TM7SF2: variants seen among roughly 807,000 people sequenced by gnomAD.
TM7SF2 encodes delta(14)-sterol reductase TM7SF2.
A neutral mutation model predicts 51.0 loss-of-function variants in TM7SF2; 51 were observed. The observed-to-expected ratio is 1.00, with a 90% CI of 0.80 to 1.26. The LOEUF is 1.26. TM7SF2 is among the 50% of genes most tolerant of loss of function. The probability of loss-of-function intolerance (pLI) is 0.00; values close to 1 mark genes in which losing one functional copy is unlikely to be tolerated. For synonymous variants in TM7SF2, 255 were observed against 241.0 expected, an observed-to-expected ratio of 1.06 and a Z score of -0.54; for missense variants, 541 against 547.4, an observed-to-expected ratio of 0.99 and a Z score of 0.12.
rs767202148 is a variant in TM7SF2 at position 65,115,326 on chromosome 11, A to G, written c.905A>G (p.Tyr302Cys). 15 of 1,613,990 alleles carry G rather than the reference A, an allele frequency of 9.3e-6. No individual in the cohort carries two copies. In the Admixed American group the frequency reaches 1.8e-4, roughly 20 times the overall value. Residue 302 changes from tyrosine (Y) to cysteine (C), a missense_variant, in exon 8 of 10, where the codon TAC becomes TGC. Physicochemically the swap from Tyr to Cys is radical, Grantham distance 194 (BLOSUM62 -2). Transcript: ENST00000279263. Reference sequence around the variant, plus strand: ...ACTCTCTCACCAGCTACTGGTTACTACATCTTCCGTGGGGCGAATTCCCAG... The same window carrying G: ...ACTCTCTCACCAGCTACTGGTTACTGCATCTTCCGTGGGGCGAATTCCCAG... ...VICLINATGY[Y>C]IFRGANSQKN... is the part of the protein sequence containing the mutation.
intron 5 of TM7SF2, 96 bp downstream of exon 5, chr11:65,113,690 C>T (rs1016758074): frequency 1.7e-5 from 17 of 1,023,422 alleles, no homozygotes; most frequent in Non-Finnish European, 2.0e-5. Context: ...TGTGCAGATG[C>T]GAGTCATTAA....
rs1425871680 is a variant in TM7SF2 at position 65,112,872 on chromosome 11, AG to A, written c.304+11del. 14 of 1,541,100 alleles carry A rather than the reference AG, an allele frequency of 9.1e-6. No individual in the cohort carries two copies. The African/African-American group carries it at 1.1e-4, about 12-fold the overall frequency. ...CTGCGCTATCCTATTAACGGTGCCT[AG>A]GGGACGGGCCCTCGCGCTGGAGTTA... is the stretch of plus-strand genomic sequence containing the variant. On this transcript the variant is annotated splice_region_variant and intron_variant, in intron 3 of 9. Transcript: ENST00000279263.
At chr11:65,115,162 A>G (rs1240565039) in intron 7 of TM7SF2, 81 bp downstream of exon 7, 3 of 1,588,102 alleles carry the variant, frequency 1.9e-6, no homozygotes, top group African/African-American at 1.3e-5. Context: ...GCACCACCAC[A>G]TAGGTGCTAA....
Position 65,114,967 on chromosome 11 carries a change from G to C in TM7SF2, c.778G>C (p.Ala260Pro). ...ACATGACGGGTTTGGCTTCATGCTG[G>C]CGTTTGGGGACATGGCCTGGGTGCC... The part of the protein sequence containing the change: ...ITHDGFGFML[A>P]FGDMAWVPFT... The change falls in exon 7 of 10, where the codon GCG (alanine) becomes CCG (proline). Residue 260 changes from alanine to proline, a missense_variant. Coordinates refer to ENST00000279263, the MANE Select transcript of TM7SF2 (RefSeq NM_003273.6). The C allele has an allele frequency of 6.2e-7, 1 of 1,614,248 alleles. No individual in the cohort carries two copies. Among genetic ancestry groups the C allele is most frequent in the Non-Finnish European group, 8.5e-7 (1 of 1,180,038 alleles).
At chr11:65,113,003 G>T in intron 3 of TM7SF2, 138 bp downstream of exon 3, 1 of 1,169,378 alleles carries the variant, frequency 8.6e-7, no homozygotes, top group Non-Finnish European at 1.2e-6. Flanking sequence ...CAGACGCCGG[G>T]GGCTCTCCCT....
At chr11:65,113,987 C>A (rs1201148663) in intron 5 of TM7SF2, among the ~76,000 whole-genome samples, 1 of 152,186 alleles carries the variant, frequency 6.6e-6, no homozygotes, top group African/African-American at 2.4e-5. Flanking sequence ...GGGTTAGCAA[C>A]CTACCCGTCA....
chr11:65,116,149 C>T lies in TM7SF2; in HGVS notation c.*96C>T, dbSNP rs759453546. 4.1e-6 allele frequency: 6 copies of T among 1,449,352 alleles called. No individual in the cohort carries two copies. The highest frequency in any genetic ancestry group is 5.6e-6 in the Non-Finnish European group (6 of 1,077,330). The allele number at this position is 1,449,352 out of a possible 1,614,324, so 89.8% of individuals were successfully genotyped here. A position where few individuals can be genotyped will look rare whatever the true frequency, so the allele number is the denominator to read the frequency against. On this transcript the variant is annotated 3_prime_UTR_variant, in exon 10 of 10. Coordinates refer to ENST00000279263, the MANE Select transcript of TM7SF2 (RefSeq NM_003273.6). ...GACACACTTGGGACTCAAGGGCTTG[C>T]ACCCCACCCAGCCCTGAGGATGAAC...
chr11:65,116,213 T>C lies in TM7SF2; in HGVS notation c.*160T>C, dbSNP rs1332883234. The C allele has an allele frequency of 1.6e-6, 2 of 1,213,964 alleles. No individual in the cohort carries two copies. Among genetic ancestry groups the C allele is most frequent in the Admixed American group, 2.8e-5 (1 of 35,338 alleles). The allele number at this position is 1,213,964 out of a possible 1,614,324, so 75.2% of individuals were successfully genotyped here. On this transcript the variant is annotated 3_prime_UTR_variant, in exon 10 of 10. Coordinates refer to ENST00000279263, the MANE Select transcript of TM7SF2 (RefSeq NM_003273.6). Reference sequence around the variant, plus strand: ...AGGTGGTTTAGAGCAAGGAAAAAAATGAAACCAGTGACCAAAATCGGAGAT... The same window carrying C: ...AGGTGGTTTAGAGCAAGGAAAAAAACGAAACCAGTGACCAAAATCGGAGAT...
rs1293584325 is a variant in TM7SF2 at position 65,113,277 on chromosome 11, T to C, written c.362T>C (p.Leu121Pro). The part of the protein sequence containing the change: ...LLVGLGMSAG[L>P]PLGALPEMLL... ...GTGGGGCTGGGGATGTCAGCGGGGC[T>C]GCCTCTGGGGGCGCTCCCGGAAATG... The change falls in exon 4 of 10, where the codon CTG becomes CCG. Residue 121 changes from leucine to proline, a missense_variant. Transcript: ENST00000279263. 6.2e-7 allele frequency: 1 copy of C among 1,610,024 alleles called. No homozygotes were observed. Among genetic ancestry groups the C allele is most frequent in the East Asian group, 2.2e-5 (1 of 44,886 alleles).
At chr11:65,115,760 T>C (rs1947972822) in intron 9 of TM7SF2, 133 bp from the exon 10 acceptor site, 3 of 1,564,654 alleles carry the variant, frequency 1.9e-6, no homozygotes. Context: ...CCTAGTACCG[T>C]GTGCTTTGCT....
intron 5 of TM7SF2, 99 bp from the exon 6 acceptor site, chr11:65,114,614 C>G: frequency 7.0e-7 from 1 of 1,428,132 alleles, no homozygotes; most frequent in Non-Finnish European, 9.5e-7. Flanking sequence ...CACTTAAGAG[C>G]TGGAGTGTAA....
In TM7SF2 at chr11:65,111,905, C is replaced by T; in HGVS notation, c.-111C>T. 1 of 1,282,076 alleles carries T rather than the reference C, an allele frequency of 7.8e-7. No homozygotes were observed. The highest frequency in any genetic ancestry group is 1.1e-6 in the Non-Finnish European group (1 of 904,932). 79.4% of individuals were successfully genotyped at this position (1,282,076 alleles called of 1,614,324 possible). A position where few individuals can be genotyped will look rare whatever the true frequency, so the allele number is the denominator to read the frequency against. ...TCCGTGTCCAGGCAGGTGCAGGCGC[C>T]GCGGGGCCGGATCCTCCGCGCGGCC... On this transcript the variant is annotated 5_prime_UTR_variant, in exon 1 of 10. Transcript: ENST00000279263.
In TM7SF2 at chr11:65,113,271, C is replaced by A; in HGVS notation, c.356C>A (p.Ala119Glu). 6.2e-7 allele frequency: 1 copy of A among 1,608,576 alleles called. No homozygotes were observed. Residue 119 changes from alanine (A) to glutamate (E), a missense_variant, in exon 4 of 10, where the codon GCG becomes GAG. Transcript: ENST00000279263. ...CTGTTGGTGGGGCTGGGGATGTCAG[C>A]GGGGCTGCCTCTGGGGGCGCTCCCG... Reference protein sequence around the residue: ...TALLVGLGMSAGLPLGALPEM... With the variant: ...TALLVGLGMSEGLPLGALPEM...
At chr11:65,114,642 C>T in intron 5 of TM7SF2, 71 bp from the exon 6 acceptor site, 3 of 1,544,240 alleles carry the variant, frequency 1.9e-6, no homozygotes, top group Non-Finnish European at 2.6e-6. Context: ...TTGAGAAGGG[C>T]AGAGGCTGGC....
In TM7SF2 at chr11:65,115,879, C is replaced by T; in HGVS notation, c.1097-14C>T. 1.2e-6 allele frequency: 2 copies of T among 1,614,040 alleles called. No individual in the cohort carries two copies. The highest frequency in any genetic ancestry group is 1.7e-6 in the Non-Finnish European group (2 of 1,180,002). On this transcript the variant is annotated splice_polypyrimidine_tract_variant and intron_variant, in intron 9 of 9. Coordinates refer to ENST00000279263, the MANE Select transcript of TM7SF2 (RefSeq NM_003273.6). The stretch of plus-strand genomic sequence containing the variant: ...GGGGCCGGCAGGGTGGTCACAGAGC[C>T]TCCTTCTCTACAGGGGTGTCACACC...
intron 7 of TM7SF2, 55 bp from the exon 8 acceptor site, chr11:65,115,259 C>A: frequency 1.2e-6 from 2 of 1,602,734 alleles, no homozygotes; most frequent in South Asian, 1.1e-5. Context: ...TGTTCGGGGT[C>A]AGGCAGGAGG....
intron 5 of TM7SF2, 30 bp from the exon 6 acceptor site, chr11:65,114,683 G>GC: frequency 6.2e-7 from 1 of 1,609,448 alleles, no homozygotes; most frequent in Non-Finnish European, 8.5e-7. Flanking sequence ...CCACTTCTGT[G>GC]GAGACTATTG....
chr11:65,115,599 G>A lies in TM7SF2; in HGVS notation c.1096+1G>A, dbSNP rs1158907207. The A allele has an allele frequency of 1.9e-6, 3 of 1,613,894 alleles. No individual in the cohort carries two copies. Among genetic ancestry groups the A allele is most frequent in the Admixed American group, 3.3e-5 (2 of 59,998 alleles). On this transcript the variant is annotated splice_donor_variant, in intron 9 of 9. Transcript: ENST00000279263. LOFTEE classifies it high-confidence loss of function. ...GCTCTGGCTTGGTCCTTGCCCTGCG[G>A]TGAGTGGCCCATGTGGATATGGGTA...
rs540861703 is a variant in TM7SF2 at position 65,114,808 on chromosome 11, C to T, written c.699C>T (p.Tyr233=). The change falls in exon 6 of 10, where the codon TAC becomes TAT. Residue 233 remains tyrosine, a synonymous_variant. Transcript: ENST00000279263. The part of the protein sequence containing the change: ...MWLVNGFQLL[Y]VGDALWHEEA... ...TGGTCAATGGCTTCCAGTTGCTCTA[C>T]GTGGGTGATGCCCTCTGGCACGAGG... 5.0e-6 allele frequency: 8 copies of T among 1,614,250 alleles called. No homozygotes were observed. The highest frequency in any genetic ancestry group is 2.2e-5 in the East Asian group (1 of 44,890).
Sources: allele counts gnomAD v4.1 joint callset (sites outside exome capture counted in the v4.1 genomes callset), GRCh38; gene constraint gnomAD v4.1.1; transcripts MANE v1.5; gene names NCBI Gene and HGNC (gene_info 2026-07-23, HGNC 2026-07-21).